KATNIP: variants seen among roughly 807,000 people sequenced by gnomAD.
KATNIP encodes katanin-interacting protein.
Under a neutral mutation model 174.0 loss-of-function variants are expected in KATNIP, and 126 were observed. That is an observed-to-expected ratio of 0.72 (90% CI 0.63 to 0.84). The LOEUF (loss-of-function observed/expected upper bound fraction) is 0.84. KATNIP is among the 40% of genes least tolerant of loss of function. The pLI, the probability that KATNIP is intolerant of heterozygous loss-of-function variation, is 0.00. For synonymous variants in KATNIP, 810 were observed against 835.7 expected, an observed-to-expected ratio of 0.97 and a Z score of 0.53; for missense variants, 1,958 against 2,109.7, an observed-to-expected ratio of 0.93 and a Z score of 1.41.
intron 8 of KATNIP, among the ~76,000 whole-genome samples, chr16:27,690,421 G>A (rs988079367): frequency 6.6e-6 from 1 of 151,844 alleles, no homozygotes; most frequent in Non-Finnish European, 1.5e-5. Context: ...AAAGCCACCA[G>A]GCCAAGCCCA....
chr16:27,730,415 A>C (rs1226561667), intron 14 of KATNIP, among the ~76,000 whole-genome samples: 1 of 152,082 alleles, frequency 6.6e-6, no homozygotes, highest in Non-Finnish European at 1.5e-5. Flanking sequence ...CTTTCACTCC[A>C]TTGCCTGTCT....
chr16:27,636,078 C>T (rs1031761724), intron 5 of KATNIP, among the ~76,000 whole-genome samples: 1 of 152,130 alleles, frequency 6.6e-6, no homozygotes, highest in African/African-American at 2.4e-5. Flanking sequence ...CGCTTGAAGC[C>T]AGGAGTTCAA....
intron 2 of KATNIP, among the ~76,000 whole-genome samples, chr16:27,597,976 C>T (rs1357025762): frequency 1.3e-5 from 2 of 152,126 alleles, no homozygotes; most frequent in Non-Finnish European, 2.9e-5. Flanking sequence ...GCCCATAATC[C>T]CAGCACTTTG....
At position 27,708,824 on chromosome 16, in the gene KATNIP, G is replaced by C. The variant is rs1383722692; in HGVS notation, c.1509G>C (p.Leu503Phe). The C allele has an allele frequency of 1.1e-5, 17 of 1,613,970 alleles. No individual in the cohort carries two copies. The highest frequency in any genetic ancestry group is 9.9e-5 in the South Asian group (9 of 91,076). ...VGLTEVEFFD[L>F]NDTKLYVSPH... ...TCACAGAAGTCGAGTTCTTTGACTT[G>C]AATGACACAAAGCTTTATGTGTCGC... Residue 503 changes from leucine to phenylalanine, a missense_variant, in exon 13 of 28, where the codon TTG (leucine) becomes TTC (phenylalanine). Transcript: ENST00000261588.
At chr16:27,770,106 G>C (rs1597418068) in intron 21 of KATNIP, 88 bp downstream of exon 21, 3 of 1,438,466 alleles carry the variant, frequency 2.1e-6, no homozygotes, top group Admixed American at 1.8e-5. Context: ...ATTCCGAAAG[G>C]GTTTTGAAAC....
chr16:27,750,237 A>G lies in KATNIP; in HGVS notation c.3277A>G (p.Thr1093Ala). 1 of 1,614,094 alleles carries G rather than the reference A, an allele frequency of 6.2e-7. No homozygotes were observed. The highest frequency in any genetic ancestry group is 8.5e-7 in the Non-Finnish European group (1 of 1,180,002). The change falls in exon 16 of 28, where the codon ACA (threonine) becomes GCA (alanine). Residue 1093 changes from threonine to alanine, a missense_variant. Around this residue, in one of 3 missense-constraint regions of KATNIP, gnomAD observed 1,557 missense variants for 1,617.8 expected, o/e 0.96. Coordinates refer to ENST00000261588, the MANE Select transcript of KATNIP (RefSeq NM_015202.5). ...IHSFRGVKDI[T>A]MLLDTQCIFE... ...TTCCTTCCGAGGCGTGAAGGACATC[A>G]CAATGCTGTTAGACACCCAGTGCAT...
intron 13 of KATNIP, among the ~76,000 whole-genome samples, chr16:27,715,947 C>A (rs1456831202): frequency 1.3e-5 from 2 of 150,272 alleles, no homozygotes; most frequent in Non-Finnish European, 3.0e-5. Flanking sequence ...TAGGTGCATA[C>A]CCAGGATAAC....
At chr16:27,734,310 T>C (rs961195835) in intron 14 of KATNIP, among the ~76,000 whole-genome samples, 1 of 150,860 alleles carries the variant, frequency 6.6e-6, no homozygotes, top group African/African-American at 2.4e-5. Flanking sequence ...CTCAAATTCC[T>C]GACCTCGTGA....
At chr16:27,768,607 G>A (rs532763044) in intron 20 of KATNIP, among the ~76,000 whole-genome samples, 87 of 152,290 alleles carry the variant, frequency 5.7e-4, no homozygotes, top group African/African-American at 1.9e-3. Flanking sequence ...TGATGGGCCC[G>A]GCCATGTTTC....
chr16:27,717,729 GCACTGAGA>G (rs1241482677), intron 13 of KATNIP, among the ~76,000 whole-genome samples: 1 of 152,194 alleles, frequency 6.6e-6, no homozygotes, highest in Non-Finnish European at 1.5e-5. Context: ...CTGAATGGCA[GCACTGAGA>G]TTTCTTTCCT....
rs764557573 is a variant in KATNIP at position 27,740,139 on chromosome 16, C to T, written c.1842C>T (p.Asp614=). 5 of 1,614,028 alleles carry T rather than the reference C, an allele frequency of 3.1e-6. No homozygotes were observed. Among genetic ancestry groups the T allele is most frequent in the Middle Eastern group, 1.6e-4 (1 of 6,084 alleles). The part of the protein sequence containing the change: ...LDKGDREAPA[D]HSILVDQKNE... ...AAGGAGATAGGGAGGCCCCAGCTGA[C>T]CACAGCATCCTGGTTGACCAGAAGA... The change falls in exon 15 of 28, where the codon GAC becomes GAT. Residue 614 remains aspartate, a synonymous_variant. Transcript: ENST00000261588.
At chr16:27,573,848 A>G in intron 1 of KATNIP, 53 bp from the exon 2 acceptor site, 3 of 1,548,830 alleles carry the variant, frequency 1.9e-6, no homozygotes, top group Non-Finnish European at 2.7e-6. Context: ...GTGTTGATAA[A>G]CTAGCTGTTC....
intron 2 of KATNIP, among the ~76,000 whole-genome samples, chr16:27,585,457 G>A (rs1470915769): frequency 6.6e-6 from 1 of 152,172 alleles, no homozygotes; most frequent in Non-Finnish European, 1.5e-5. Context: ...GTATATCGAA[G>A]GGATTTTTCC....
At chr16:27,743,317 A>T (rs2143623066) in intron 15 of KATNIP, among the ~76,000 whole-genome samples, 1 of 152,228 alleles carries the variant, frequency 6.6e-6, no homozygotes, top group Admixed American at 6.5e-5. Context: ...AATGATTCAA[A>T]TCGGCATCTT....
chr16:27,706,287 T>C (rs2079300329), intron 12 of KATNIP, among the ~76,000 whole-genome samples: 1 of 152,204 alleles, frequency 6.6e-6, no homozygotes, highest in Non-Finnish European at 1.5e-5. Flanking sequence ...CATGTAAATC[T>C]GTGACTGGTG....
chr16:27,721,619 T>G lies in KATNIP; in HGVS notation c.1667T>G (p.Val556Gly), dbSNP rs1490982659. The G allele has an allele frequency of 6.2e-7, 1 of 1,614,204 alleles. No homozygotes were observed. The change falls in exon 14 of 28, where the codon GTT (valine) becomes GGT (glycine). Residue 556 changes from valine (V) to glycine (G), a missense_variant. Around this residue, in one of 3 missense-constraint regions of KATNIP, gnomAD observed 1,557 missense variants for 1,617.8 expected, o/e 0.96. Coordinates refer to ENST00000261588, the MANE Select transcript of KATNIP (RefSeq NM_015202.5). ...CACCCACCACTCCAGCTGTTTTTTG[T>G]TATTCGAAACACAAGACAGCTGGGG... ...PFHPPLQLFFVIRNTRQLGDF... is the reference protein window; with the variant it reads ...PFHPPLQLFFGIRNTRQLGDF...
At chr16:27,734,025 G>A (rs1485036626) in intron 14 of KATNIP, among the ~76,000 whole-genome samples, 9 of 152,082 alleles carry the variant, frequency 5.9e-5, no homozygotes, top group Admixed American at 3.3e-4. Context: ...GGAGGTGGAG[G>A]TGGGGGCTGG....
At chr16:27,696,546 C>T (rs1486561527) in intron 8 of KATNIP, among the ~76,000 whole-genome samples, 4 of 152,026 alleles carry the variant, frequency 2.6e-5, no homozygotes, top group South Asian at 2.1e-4. Context: ...TGCTAGTATC[C>T]GTGTGTTCTC....
chr16:27,762,648 C>A (rs2081991448), intron 19 of KATNIP, among the ~76,000 whole-genome samples: 1 of 152,230 alleles, frequency 6.6e-6, no homozygotes, highest in Admixed American at 6.5e-5. Context: ...AGCCACATCC[C>A]TTGGCCTGGT....
Sources: gnomAD v4.1 joint callset for allele counts (sites outside exome capture counted in the v4.1 genomes callset) on GRCh38, gnomAD v4.1.1 for gene constraint, gnomAD v4.1.1 regional missense constraint, MANE v1.5 for transcripts, NCBI Gene and HGNC (gene_info 2026-07-23, HGNC 2026-07-21) for gene names.